MYO5B: variants seen among roughly 807,000 people sequenced by gnomAD.
The protein encoded by MYO5B is myosin VB.
Under a neutral mutation model 229.3 loss-of-function variants are expected in MYO5B, and 143 were observed. The observed-to-expected ratio is 0.62, with a 90% CI of 0.54 to 0.72. The LOEUF is 0.72. Ranked by LOEUF, MYO5B falls within the 30% of genes least tolerant of loss-of-function variation. The pLI is 0.00. For synonymous variants in MYO5B, 918 were observed against 885.2 expected (o/e 1.04, Z -0.66); for missense variants, 2,321 against 2,331.0 (o/e 1.00, Z 0.09).
chr18:50,194,853 C>T lies in MYO5B; in HGVS notation c.-60G>A, dbSNP rs2033280779. On this transcript the variant is annotated 5_prime_UTR_variant, in exon 1 of 40. Coordinates refer to ENST00000285039, the MANE Select transcript of MYO5B (RefSeq NM_001080467.3). ...TGGCTGCCCCGCGGCTCTCAGTCCG[C>T]GGCTGGCCCGCCTGGCGCCATGTTC... 4.0e-6 allele frequency: 5 copies of T among 1,253,074 alleles called. No homozygotes were observed. The highest frequency in any genetic ancestry group is 5.0e-6 in the Non-Finnish European group (5 of 1,003,568). The allele number at this position is 1,253,074 out of a possible 1,614,324, so 77.6% of individuals were successfully genotyped here.
At chr18:50,138,749 C>T (rs1318824179) in intron 1 of MYO5B, among the ~76,000 whole-genome samples, 1 of 152,156 alleles carries the variant, frequency 6.6e-6, no homozygotes, top group East Asian at 1.9e-4. Context: ...TTAGTTAAAC[C>T]CTTGTTATCC....
At chr18:50,071,013 G>T (rs1012169957) in intron 1 of MYO5B, among the ~76,000 whole-genome samples, 2 of 152,182 alleles carry the variant, frequency 1.3e-5, no homozygotes, top group African/African-American at 4.8e-5. Context: ...TTGTAGAGAT[G>T]AAGTCCCGCT....
chr18:50,083,125 T>A (rs2144473789), intron 1 of MYO5B, among the ~76,000 whole-genome samples: 1 of 152,272 alleles, frequency 6.6e-6, no homozygotes, highest in South Asian at 2.1e-4. Context: ...CAGTTTATCA[T>A]AAAGAACATA....
chr18:50,012,451 C>T (rs1226817519), intron 4 of MYO5B, among the ~76,000 whole-genome samples: 1 of 152,194 alleles, frequency 6.6e-6, no homozygotes, highest in Non-Finnish European at 1.5e-5. Flanking sequence ...TCTAGCTATT[C>T]GCTTATGATA....
chr18:49,980,300 A>G, intron 9 of MYO5B, 144 bp downstream of exon 9: 1 of 738,508 alleles, frequency 1.4e-6, no homozygotes. Context: ...TCTTTTAAAA[A>G]ATTATCAGCA....
intron 34 of MYO5B, 144 bp from the exon 35 acceptor site, chr18:49,841,598 G>A: frequency 1.3e-6 from 1 of 750,250 alleles, no homozygotes; most frequent in Non-Finnish European, 2.4e-6. Context: ...GCCAGTCACG[G>A]GGTTGAGACC....
intron 3 of MYO5B, 30 bp downstream of exon 3, chr18:50,040,113 G>C: frequency 1.2e-6 from 2 of 1,612,322 alleles, no homozygotes; most frequent in Non-Finnish European, 8.5e-7. Flanking sequence ...ACTTTCCAAC[G>C]CATGCAGCCA....
At chr18:49,989,604 C>T (rs965953342) in intron 7 of MYO5B, among the ~76,000 whole-genome samples, 1 of 152,166 alleles carries the variant, frequency 6.6e-6, no homozygotes, top group African/African-American at 2.4e-5. Context: ...AGGACCCACA[C>T]AGAGAAGGGC....
At position 49,902,813 on chromosome 18, in the gene MYO5B, G is replaced by C; in HGVS notation, c.2592C>G (p.Ala864=). The C allele has an allele frequency of 6.2e-7, 1 of 1,601,038 alleles. No homozygotes were observed. The highest frequency in any genetic ancestry group is 8.5e-7 in the Non-Finnish European group (1 of 1,179,906). Residue 864 remains alanine (A), a synonymous_variant, in exon 21 of 40, where the codon GCC becomes GCG. Transcript: ENST00000285039. The part of the protein sequence containing the change: ...TYRQVLMEHK[A]TTIQKHVRGW... ...CCCGCACGTGCTTCTGGATGGTGGT[G>C]GCCTTGTGCTCCATGAGGACCTGGC...
intron 1 of MYO5B, among the ~76,000 whole-genome samples, chr18:50,123,707 C>CA (rs34239458): frequency 6.6e-6 from 1 of 151,900 alleles, no homozygotes; most frequent in African/African-American, 2.4e-5. Flanking sequence ...GACCCTGTCT[C>CA]AAAAAAAGTT....
intron 1 of MYO5B, among the ~76,000 whole-genome samples, chr18:50,191,190 T>C (rs1382440424): frequency 6.6e-6 from 1 of 152,200 alleles, no homozygotes; most frequent in Non-Finnish European, 1.5e-5. Flanking sequence ...CACAAGTGTG[T>C]TAATTGCCAG....
At chr18:50,033,606 G>A (rs568223544) in intron 4 of MYO5B, among the ~76,000 whole-genome samples, 1 of 152,272 alleles carries the variant, frequency 6.6e-6, no homozygotes, top group East Asian at 1.9e-4. Context: ...GGTTGGAGCT[G>A]AGGAAGGTAA....
chr18:49,954,902 T>C (rs778989670), intron 12 of MYO5B, among the ~76,000 whole-genome samples: 2 of 152,226 alleles, frequency 1.3e-5, no homozygotes, highest in Admixed American at 6.5e-5. Flanking sequence ...CTAGATACCA[T>C]TGTCCAGGTT....
intron 4 of MYO5B, among the ~76,000 whole-genome samples, chr18:50,011,973 T>C (rs2026165755): frequency 2.0e-5 from 3 of 151,816 alleles, no homozygotes; most frequent in African/African-American, 2.4e-5. Flanking sequence ...TGGGACAGCA[T>C]AGGTAGTGTT....
At chr18:50,108,354 A>G (rs2144512881) in intron 1 of MYO5B, among the ~76,000 whole-genome samples, 1 of 152,372 alleles carries the variant, frequency 6.6e-6, no homozygotes, top group East Asian at 1.9e-4. Flanking sequence ...TCTGCTCTGC[A>G]TTAAGTGAGA....
At chr18:50,111,947 T>C (rs887850333) in intron 1 of MYO5B, among the ~76,000 whole-genome samples, 1 of 152,172 alleles carries the variant, frequency 6.6e-6, no homozygotes, top group Admixed American at 6.5e-5. Context: ...CTCTGAGCAC[T>C]GGAGCAGAGA....
intron 1 of MYO5B, among the ~76,000 whole-genome samples, chr18:50,145,952 T>C (rs73430375): frequency 0.026 from 3,946 of 152,348 alleles, 150 homozygotes; most frequent in African/African-American, 0.09. Context: ...CAAAAACGGA[T>C]ACATTTCGAA....
intron 39 of MYO5B, among the ~76,000 whole-genome samples, chr18:49,834,787 C>T (rs1482264326): frequency 1.3e-5 from 2 of 152,048 alleles, no homozygotes; most frequent in Non-Finnish European, 2.9e-5. Context: ...TACAGGCGCC[C>T]ACCACCACGC....
At chr18:50,104,101 T>C (rs920411339) in intron 1 of MYO5B, among the ~76,000 whole-genome samples, 3 of 145,516 alleles carry the variant, frequency 2.1e-5, no homozygotes, top group African/African-American at 7.6e-5. Context: ...GAGTTTGAGT[T>C]TACAGTGGTG....
Sources: gnomAD v4.1 joint callset for allele counts (sites outside exome capture counted in the v4.1 genomes callset) on GRCh38, gnomAD v4.1.1 for gene constraint, MANE v1.5 for transcripts, NCBI Gene and HGNC (gene_info 2026-07-23, HGNC 2026-07-21) for gene names.